SYCP2L: variants seen among roughly 807,000 people sequenced by gnomAD.
The protein encoded by SYCP2L is synaptonemal complex protein 2-like.
SYCP2L carries 98 observed loss-of-function variants against 125.8 expected under a neutral mutation model. The ratio of observed to expected loss-of-function variants is 0.78; its 90% CI spans 0.66 to 0.92. SYCP2L has a LOEUF of 0.92. SYCP2L is among the 40% of genes least tolerant of loss of function. The pLI is 0.00. For synonymous variants in SYCP2L, 317 were observed against 325.4 expected (o/e 0.97, Z 0.28); for missense variants, 842 against 936.4 (o/e 0.90, Z 1.32).
chr6:10,911,680 A>G (rs1000562391), intron 12 of SYCP2L, among the ~76,000 whole-genome samples: 1 of 152,040 alleles, frequency 6.6e-6, no homozygotes, highest in Admixed American at 6.6e-5. Context: ...ATGACATCCA[A>G]ATTTCCATTC....
intron 21 of SYCP2L, among the ~76,000 whole-genome samples, chr6:10,939,406 C>G (rs1781172185): frequency 1.3e-5 from 2 of 152,130 alleles, no homozygotes; most frequent in Non-Finnish European, 2.9e-5. Context: ...ACAAAAGATC[C>G]TAAATAGCCA....
chr6:10,911,533 C>T (rs1780606156), intron 12 of SYCP2L, among the ~76,000 whole-genome samples: 1 of 152,218 alleles, frequency 6.6e-6, no homozygotes, highest in Non-Finnish European at 1.5e-5. Context: ...CAGAGCTAAA[C>T]TTTCAGCTCA....
chr6:10,964,043 C>T (rs752951101), intron 29 of SYCP2L, among the ~76,000 whole-genome samples, 200 bp downstream of exon 29: 13 of 151,604 alleles, frequency 8.6e-5, no homozygotes, highest in African/African-American at 1.2e-4. Flanking sequence ...CTGCAAGCTC[C>T]GCCTCCCAGG....
intron 8 of SYCP2L, among the ~76,000 whole-genome samples, chr6:10,905,161 A>AAAAAG (rs1780463624): frequency 6.7e-6 from 1 of 149,666 alleles, no homozygotes; most frequent in Non-Finnish European, 1.5e-5. Context: ...AAAAAAAAAA[A>AAAAAG]AAAAAGAAGA....
At position 10,923,801 on chromosome 6, in the gene SYCP2L, A is replaced by C. The variant is rs953068812; in HGVS notation, c.1073-695A>C. Among the ~76,000 whole-genome samples, 3 of 149,044 alleles carry C rather than the reference A, an allele frequency of 2.0e-5. No homozygotes were observed. The Admixed American group carries it at 2.0e-4, about 10-fold the overall frequency. On this transcript the variant is annotated intron_variant, in intron 14 of 29. Coordinates refer to ENST00000283141, the MANE Select transcript of SYCP2L (RefSeq NM_001040274.3). ...TGGGTTCACGCCATTCTCCCGCCTC[A>C]GCCTCCCGAATAGCTGGGACTAGAA...
At chr6:10,938,539 A>C (rs1003841107) in intron 21 of SYCP2L, among the ~76,000 whole-genome samples, 1 of 152,222 alleles carries the variant, frequency 6.6e-6, no homozygotes, top group African/African-American at 2.4e-5. Flanking sequence ...TTAACATAGT[A>C]CTGGAAGTCC....
chr6:10,951,311 AGCTACTCTG>A (rs1781405388), intron 23 of SYCP2L, among the ~76,000 whole-genome samples: 1 of 152,024 alleles, frequency 6.6e-6, no homozygotes, highest in African/African-American at 2.4e-5. Flanking sequence ...CTGTGTTCCC[AGCTACTCTG>A]GAGGCTGACA....
intron 14 of SYCP2L, among the ~76,000 whole-genome samples, chr6:10,919,498 CTG>C (rs1780751966): frequency 6.6e-6 from 1 of 152,152 alleles, no homozygotes; most frequent in Non-Finnish European, 1.5e-5. Flanking sequence ...GAAATGGACT[CTG>C]TGATGGTTCT....
At position 10,912,545 on chromosome 6, in the gene SYCP2L, G is replaced by A; in HGVS notation, c.919-128G>A. On this transcript the variant is annotated intron_variant, in intron 12 of 29. Transcript: ENST00000283141. This position sits in a 1 kb window ranked among gnomAD's most constrained non-coding sequence, Gnocchi z 4.1. The stretch of plus-strand genomic sequence containing the variant: ...TTGCACAAAAGAGTCAGTCAATAGA[G>A]GCCCTATAATGCTAGGATAATGCTG... The A allele has an allele frequency of 1.5e-6, 1 of 646,310 alleles. No individual in the cohort carries two copies. Among genetic ancestry groups the A allele is most frequent in the Non-Finnish European group, 2.6e-6 (1 of 379,870 alleles). The allele number at this position is 646,310 out of a possible 1,614,324, so 40.0% of individuals were successfully genotyped here. A position where few individuals can be genotyped will look rare whatever the true frequency, so the allele number is the denominator to read the frequency against.
At chr6:10,917,835 G>A (rs1183744508) in intron 14 of SYCP2L, among the ~76,000 whole-genome samples, 3 of 152,120 alleles carry the variant, frequency 2.0e-5, no homozygotes, top group Non-Finnish European at 4.4e-5. Flanking sequence ...TGTAGTGGTG[G>A]CTTGGTAGTG....
At chr6:10,888,392 G>T (rs1468867625) in intron 1 of SYCP2L, among the ~76,000 whole-genome samples, 1 of 152,010 alleles carries the variant, frequency 6.6e-6, no homozygotes, top group African/African-American at 2.4e-5. Flanking sequence ...ACAGCGCCCG[G>T]CTATCATCAT....
chr6:10,903,210 A>G (rs1485785207), intron 8 of SYCP2L, among the ~76,000 whole-genome samples: 1 of 151,834 alleles, frequency 6.6e-6, no homozygotes, highest in Non-Finnish European at 1.5e-5. Flanking sequence ...CAAGGCGGGC[A>G]GATCATGAGG....
At chr6:10,905,017 G>A (rs1283458099) in intron 8 of SYCP2L, among the ~76,000 whole-genome samples, 1 of 151,306 alleles carries the variant, frequency 6.6e-6, no homozygotes, top group African/African-American at 2.4e-5. Context: ...GCGGGCACCT[G>A]TAATCCCAGC....
intron 29 of SYCP2L, among the ~76,000 whole-genome samples, chr6:10,967,685 T>A (rs9393818): frequency 2.0e-5 from 3 of 151,842 alleles, no homozygotes; most frequent in Non-Finnish European, 2.9e-5. Context: ...ATCCAACCAA[T>A]AAACAATAAG....
Position 10,907,767 on chromosome 6 carries a change from C to T in SYCP2L, c.819+83C>T, listed in dbSNP as rs552139533. 1.2e-4 allele frequency: 169 copies of T among 1,458,414 alleles called. 1 individual carries two copies. The Middle Eastern group carries it at 3.4e-3, about 30-fold the overall frequency. The allele number at this position is 1,458,414 out of a possible 1,614,324, so 90.3% of individuals were successfully genotyped here. A position where few individuals can be genotyped will look rare whatever the true frequency, so the allele number is the denominator to read the frequency against. ...AGAACTTTCCTGTGCATTGGGCTTA[C>T]GGGAGGATTTTTTTGCTTAAGTGTG... On this transcript the variant is annotated intron_variant, in intron 10 of 29. Transcript: ENST00000283141.
intron 15 of SYCP2L, among the ~76,000 whole-genome samples, chr6:10,925,711 A>G (rs1405709436): frequency 6.6e-6 from 1 of 152,178 alleles, no homozygotes; most frequent in African/African-American, 2.4e-5. Context: ...TTTTAATGAC[A>G]TGGTCTTTTT....
At chr6:10,933,462 C>T (rs1781034737) in intron 20 of SYCP2L, among the ~76,000 whole-genome samples, 1 of 152,170 alleles carries the variant, frequency 6.6e-6, no homozygotes, top group Admixed American at 6.5e-5. Context: ...CTTGCTGAAA[C>T]ATAGATTGCT....
chr6:10,968,546 G>T (rs138157577), intron 29 of SYCP2L, among the ~76,000 whole-genome samples: 2,181 of 152,280 alleles, frequency 0.014, 37 homozygotes, highest in Non-Finnish European at 0.018. Context: ...TTGAGTCAGG[G>T]TGTCAGGGGA....
At chr6:10,970,731 G>A (rs1373101086) in intron 29 of SYCP2L, among the ~76,000 whole-genome samples, 21 of 152,178 alleles carry the variant, frequency 1.4e-4, no homozygotes, top group Non-Finnish European at 8.8e-5. Context: ...TGTGATTTCA[G>A]CATCTGAATG....
Sources: allele counts gnomAD v4.1 joint callset (sites outside exome capture counted in the v4.1 genomes callset), GRCh38; gene constraint gnomAD v4.1.1; non-coding constraint Gnocchi (gnomAD v3.1); transcripts MANE v1.5; gene names NCBI Gene and HGNC (gene_info 2026-07-23, HGNC 2026-07-21).